The following ADGRB3 variants were observed in gnomAD, a reference collection of about 807,000 sequenced individuals.
ADGRB3 encodes brain-specific angiogenesis inhibitor 3.
ADGRB3 carries 37 observed loss-of-function variants against 193.4 expected under a neutral mutation model. The observed-to-expected ratio is 0.19, with a 90% CI of 0.15 to 0.25. The LOEUF is 0.25. ADGRB3 is among the 10% of genes least tolerant of loss of function. ADGRB3 has a pLI of 1.00. For missense variants in ADGRB3, 1,637 were observed against 1,852.9 expected (o/e 0.88, Z 2.14); for synonymous variants, 690 against 644.2 (o/e 1.07, Z -1.08).
At chr6:69,340,771 C>T (rs1374587263) in intron 26 of ADGRB3, among the ~76,000 whole-genome samples, 1 of 152,116 alleles carries the variant, frequency 6.6e-6, no homozygotes, top group African/African-American at 2.4e-5. Context: ...CTCTAGCCCC[C>T]CACCCTTGAC....
rs1767983907 is a variant in ADGRB3 at position 68,637,433 on chromosome 6, T to G, written c.-145T>G. The G allele has an allele frequency of 6.6e-6, 1 of 152,660 alleles. No homozygotes were observed. Among genetic ancestry groups the G allele is most frequent in the Non-Finnish European group, 1.5e-5 (1 of 68,046 alleles). The allele number at this position is 152,660 out of a possible 1,614,324, so 9.5% of individuals were successfully genotyped here. ...CAGCCTAAAGACTTTTAAAATTAAC[T>G]TGGCATCACTTTTATCAGCTCAAAG... On this transcript the variant is annotated 5_prime_UTR_variant, in exon 2 of 32. Coordinates refer to ENST00000370598, the MANE Select transcript of ADGRB3 (RefSeq NM_001704.3).
intron 3 of ADGRB3, among the ~76,000 whole-genome samples, chr6:68,768,700 T>A (rs767517865): frequency 6.6e-6 from 1 of 152,088 alleles, no homozygotes; most frequent in African/African-American, 2.4e-5. Flanking sequence ...TGGGATCTAA[T>A]TAAACTAAAG....
chr6:69,280,283 TCAC>T (rs1372469299), intron 20 of ADGRB3, among the ~76,000 whole-genome samples: 1 of 152,118 alleles, frequency 6.6e-6, no homozygotes, highest in Non-Finnish European at 1.5e-5. Context: ...TCCCCTCATC[TCAC>T]GAGGTAGAAC....
intron 17 of ADGRB3, among the ~76,000 whole-genome samples, chr6:69,122,127 C>T (rs539618401): frequency 1.5e-3 from 229 of 151,832 alleles, no homozygotes; most frequent in African/African-American, 5.0e-3. Flanking sequence ...TGTGGCGAGC[C>T]GAGATCACGC....
intron 10 of ADGRB3, among the ~76,000 whole-genome samples, chr6:68,993,144 C>G (rs1769286582): frequency 6.6e-6 from 1 of 151,964 alleles, no homozygotes; most frequent in Non-Finnish European, 1.5e-5. Context: ...TTTAATAGTT[C>G]ATTCTGTTGC....
intron 17 of ADGRB3, among the ~76,000 whole-genome samples, chr6:69,218,068 CAAAAAA>C (rs556270079): frequency 1.2e-5 from 1 of 81,244 alleles, no homozygotes; most frequent in African/African-American, 5.0e-5. Flanking sequence ...CTCCAGCTGA[CAAAAAA>C]AAAAAAAAAA....
intron 17 of ADGRB3, among the ~76,000 whole-genome samples, chr6:69,180,371 C>T (rs950975505): frequency 5.9e-5 from 9 of 152,120 alleles, no homozygotes; most frequent in Non-Finnish European, 4.4e-5. Context: ...AAGTGTGGGG[C>T]AGTTTAGGCT....
At chr6:69,001,775 A>G (rs1769586223) in intron 11 of ADGRB3, among the ~76,000 whole-genome samples, 1 of 152,218 alleles carries the variant, frequency 6.6e-6, no homozygotes, top group African/African-American at 2.4e-5. Context: ...CTACCCAGGC[A>G]TGTTCCTACT....
chr6:69,228,188 C>T (rs531735150), intron 17 of ADGRB3, among the ~76,000 whole-genome samples: 39 of 152,100 alleles, frequency 2.6e-4, no homozygotes, highest in Non-Finnish European at 5.0e-4. Flanking sequence ...ACCCAGGAGG[C>T]GGAGGTTGCA....
chr6:69,365,167 G>A (rs1449119833), intron 29 of ADGRB3, among the ~76,000 whole-genome samples: 1 of 152,020 alleles, frequency 6.6e-6, no homozygotes, highest in Non-Finnish European at 1.5e-5. Context: ...TCTTTTCCCT[G>A]TATCATTCAA....
chr6:69,035,337 G>T, intron 13 of ADGRB3, among the ~76,000 whole-genome samples: 1 of 147,118 alleles, frequency 6.8e-6, no homozygotes. Context: ...TTTGAAAAAG[G>T]TATAGGACCT....
chr6:69,254,229 T>C (rs1198732674), intron 20 of ADGRB3, among the ~76,000 whole-genome samples: 1 of 152,190 alleles, frequency 6.6e-6, no homozygotes, highest in Non-Finnish European at 1.5e-5. Flanking sequence ...GTATTCTGTA[T>C]TTAGCCCCTT....
chr6:69,298,026 T>G (rs571977741), intron 20 of ADGRB3, among the ~76,000 whole-genome samples: 31 of 152,216 alleles, frequency 2.0e-4, no homozygotes, highest in African/African-American at 7.0e-4. Context: ...TAGAGTAACA[T>G]AAAAACGCAC....
At chr6:68,849,515 T>C (rs1190826878) in intron 3 of ADGRB3, among the ~76,000 whole-genome samples, 2 of 152,014 alleles carry the variant, frequency 1.3e-5, no homozygotes, top group Non-Finnish European at 2.9e-5. Flanking sequence ...ATTACACCTT[T>C]TTAACACACT....
intron 3 of ADGRB3, among the ~76,000 whole-genome samples, chr6:68,759,156 T>C (rs1766349145): frequency 6.6e-6 from 1 of 152,128 alleles, no homozygotes; most frequent in African/African-American, 2.4e-5. Flanking sequence ...GATATTAAAT[T>C]ATAGAAGACA....
At chr6:69,285,578 G>A (rs1767531819) in intron 20 of ADGRB3, among the ~76,000 whole-genome samples, 1 of 152,112 alleles carries the variant, frequency 6.6e-6, no homozygotes, top group South Asian at 2.1e-4. Flanking sequence ...GGCTGAGGCA[G>A]GAGAATTGCT....
At chr6:68,682,917 A>G (rs750926369) in intron 3 of ADGRB3, among the ~76,000 whole-genome samples, 5 of 151,904 alleles carry the variant, frequency 3.3e-5, no homozygotes, top group Admixed American at 3.3e-4. Flanking sequence ...AGCTGGGATT[A>G]TAGGCACCTA....
intron 11 of ADGRB3, among the ~76,000 whole-genome samples, chr6:69,005,188 C>A (rs1769710658): frequency 6.6e-6 from 1 of 151,798 alleles, no homozygotes; most frequent in Admixed American, 6.6e-5. Flanking sequence ...ACTATTTTTA[C>A]CTTTCATTTT....
intron 17 of ADGRB3, among the ~76,000 whole-genome samples, chr6:69,188,793 G>T (rs1341510367): frequency 6.6e-6 from 1 of 151,882 alleles, no homozygotes; most frequent in Non-Finnish European, 1.5e-5. Flanking sequence ...ACATTTGTTT[G>T]GAATGTGCAC....
Sources: gnomAD v4.1 joint callset for allele counts (sites outside exome capture counted in the v4.1 genomes callset) on GRCh38, gnomAD v4.1.1 for gene constraint, MANE v1.5 for transcripts, NCBI Gene and HGNC (gene_info 2026-07-23, HGNC 2026-07-21) for gene names.